Variants in DPY19L4 observed in about 807,000 individuals in gnomAD.
The protein encoded by DPY19L4 is dpy-19 like 4.
In DPY19L4, 97 loss-of-function variants were observed where a neutral mutation model predicts 102.8. The ratio of observed to expected loss-of-function variants is 0.94; its 90% confidence interval spans 0.80 to 1.12. The LOEUF is 1.12. DPY19L4 is among the 50% of genes most tolerant of loss of function. DPY19L4 has a pLI of 0.00. For synonymous variants in DPY19L4, 252 were observed against 283.1 expected, an observed-to-expected ratio of 0.89 and a Z score of 1.10; for missense variants, 815 against 850.4, an observed-to-expected ratio of 0.96 and a Z score of 0.52.
chr8:94,764,744 T>G (rs1464869005), intron 8 of DPY19L4, among the ~76,000 whole-genome samples: 1 of 99,582 alleles, frequency 1.0e-5, no homozygotes, highest in Non-Finnish European at 1.9e-5. Flanking sequence ...TTTTTTTTTG[T>G]CCTGAGACAG....
intron 6 of DPY19L4, among the ~76,000 whole-genome samples, chr8:94,741,617 T>G (rs1811447503): frequency 6.6e-6 from 1 of 152,234 alleles, no homozygotes; most frequent in South Asian, 2.1e-4. Flanking sequence ...CTTTCTGTAC[T>G]TATGGATTTT....
intron 7 of DPY19L4, among the ~76,000 whole-genome samples, chr8:94,758,669 G>A (rs940200881): frequency 1.3e-5 from 2 of 152,000 alleles, no homozygotes; most frequent in African/African-American, 2.4e-5. Flanking sequence ...TAATGCCCTT[G>A]ACATCCATGT....
At chr8:94,727,353 C>T (rs1810735637) in intron 2 of DPY19L4, among the ~76,000 whole-genome samples, 1 of 152,180 alleles carries the variant, frequency 6.6e-6, no homozygotes, top group Non-Finnish European at 1.5e-5. Context: ...CCTGCCTCAG[C>T]CTCCTCAGTA....
chr8:94,737,467 C>T (rs902495799), intron 3 of DPY19L4, among the ~76,000 whole-genome samples: 4 of 151,844 alleles, frequency 2.6e-5, no homozygotes, highest in African/African-American at 4.8e-5. Flanking sequence ...TGAGCCAACA[C>T]GCTGGGCCAG....
At chr8:94,754,208 A>G (rs1019239194) in intron 6 of DPY19L4, among the ~76,000 whole-genome samples, 1 of 152,196 alleles carries the variant, frequency 6.6e-6, no homozygotes, top group African/African-American at 2.4e-5. Context: ...GTCTGAGACT[A>G]GGAAAAGAGA....
At chr8:94,774,083 G>A (rs937676701) in intron 13 of DPY19L4, among the ~76,000 whole-genome samples, 4 of 145,008 alleles carry the variant, frequency 2.8e-5, no homozygotes, top group African/African-American at 7.6e-5. Flanking sequence ...TCGTTCTGTC[G>A]CCCAGACTGG....
intron 2 of DPY19L4, among the ~76,000 whole-genome samples, chr8:94,733,277 A>T (rs2130803048): frequency 6.6e-6 from 1 of 151,736 alleles, no homozygotes; most frequent in East Asian, 2.0e-4. Flanking sequence ...GGCACCTGCC[A>T]CCATGCCCGG....
At chr8:94,723,771 T>G (rs1268069061) in intron 1 of DPY19L4, among the ~76,000 whole-genome samples, 4 of 151,992 alleles carry the variant, frequency 2.6e-5, no homozygotes, top group Non-Finnish European at 2.9e-5. Flanking sequence ...GACAGTGTGG[T>G]TTTTTTTCCC....
rs1464320533 is a variant in DPY19L4 at position 94,747,247 on chromosome 8, C to T, written c.611+7457C>T. Among the ~76,000 whole-genome samples the T allele has an allele frequency of 2.6e-5, 4 of 152,044 alleles. No homozygotes were observed. In the East Asian group the frequency reaches 7.7e-4, roughly 29 times the overall value. On this transcript the variant is annotated intron_variant, in intron 6 of 18. Coordinates refer to ENST00000414645, the MANE Select transcript of DPY19L4 (RefSeq NM_181787.3). ...CTGCTTTTTTTAGTAAAGGTGGGGTCTCGCCATGCTGCCCAGGCTGGTCTC... is the reference window on the plus strand; with the variant it reads ...CTGCTTTTTTTAGTAAAGGTGGGGTTTCGCCATGCTGCCCAGGCTGGTCTC...
intron 8 of DPY19L4, among the ~76,000 whole-genome samples, chr8:94,764,575 C>CA (rs554856939): frequency 0.15 from 7,956 of 52,778 alleles, 831 homozygotes; most frequent in African/African-American, 0.31. Context: ...GACTCCGTCT[C>CA]AAAAAAAAAA....
intron 2 of DPY19L4, among the ~76,000 whole-genome samples, chr8:94,734,115 A>C (rs528782244): frequency 6.9e-6 from 1 of 144,770 alleles, no homozygotes; most frequent in Non-Finnish European, 1.5e-5. Context: ...GCTGGAGTGC[A>C]GTGGCATGAT....
chr8:94,728,859 A>G (rs1174380445), intron 2 of DPY19L4, among the ~76,000 whole-genome samples: 1 of 152,160 alleles, frequency 6.6e-6, no homozygotes, highest in East Asian at 1.9e-4. Context: ...GAGAATCCCA[A>G]AATTCTGGGA....
Position 94,790,625 on chromosome 8 carries a change from T to C in DPY19L4, c.*715T>C, listed in dbSNP as rs183315668. 50 of 152,188 alleles carry C rather than the reference T, an allele frequency of 3.3e-4. No homozygotes were observed. Among genetic ancestry groups the C allele is most frequent in the African/African-American group, 1.2e-3 (48 of 41,568 alleles). 9.4% of individuals were successfully genotyped at this position (152,188 alleles called of 1,614,324 possible). ...TTATGCCTATTAATTTGATACCAAT[T>C]TAATCATGATAAAACAATAACCGTT... On this transcript the variant is annotated 3_prime_UTR_variant, in exon 19 of 19. Transcript: ENST00000414645.
At chr8:94,749,547 C>G (rs1318701319) in intron 6 of DPY19L4, among the ~76,000 whole-genome samples, 2 of 152,046 alleles carry the variant, frequency 1.3e-5, no homozygotes, top group East Asian at 3.9e-4. Context: ...AAACTTAACT[C>G]GATTGGCGAA....
At position 94,739,716 on chromosome 8, in the gene DPY19L4, AT is replaced by A. The variant is rs1198847878; in HGVS notation, c.540del (p.Phe180LeufsTer7). The part of the protein sequence containing the change: ...GLQGIYVTAL[F>X]VTSWLMSGTW... The stretch of plus-strand genomic sequence containing the variant: ...TGCAAGGAATATATGTTACTGCTTT[AT>A]TTGTTACAAGTTGGCTTATGAGTGG... On this transcript the variant is annotated frameshift_variant, in exon 6 of 19. Transcript: ENST00000414645. LOFTEE classifies it high-confidence loss of function. The A allele has an allele frequency of 1.2e-6, 2 of 1,613,716 alleles. No individual in the cohort carries two copies. The highest frequency in any genetic ancestry group is 1.7e-6 in the Non-Finnish European group (2 of 1,180,008).
Position 94,768,805 on chromosome 8 carries a change from A to G in DPY19L4, c.1334+252A>G, listed in dbSNP as rs775794046. ...TTGGGAGTTTGAGACCAGCCGGTCC[A>G]ATATGGTGAAACCCCATCTCTACTA... On this transcript the variant is annotated intron_variant, in intron 12 of 18. Transcript: ENST00000414645. Among the ~76,000 whole-genome samples the G allele has an allele frequency of 3.9e-5, 6 of 152,026 alleles. No homozygotes were observed. The South Asian group carries it at 1.0e-3, about 26-fold the overall frequency.
At chr8:94,754,181 G>C (rs1812063684) in intron 6 of DPY19L4, among the ~76,000 whole-genome samples, 1 of 152,072 alleles carries the variant, frequency 6.6e-6, no homozygotes, top group South Asian at 2.1e-4. Context: ...TAGGAAAAAA[G>C]TTATTAGTGC....
intron 13 of DPY19L4, among the ~76,000 whole-genome samples, chr8:94,775,541 A>T (rs1271754877): frequency 6.6e-6 from 1 of 152,188 alleles, no homozygotes; most frequent in Non-Finnish European, 1.5e-5. Context: ...TGCCCAGGCT[A>T]GTCGTGAACA....
At chr8:94,736,177 G>C (rs535628857) in intron 3 of DPY19L4, among the ~76,000 whole-genome samples, 2 of 152,210 alleles carry the variant, frequency 1.3e-5, no homozygotes, top group Admixed American at 6.5e-5. Context: ...CTTTTATAAG[G>C]ACATTAATCC....
Sources: gnomAD v4.1 joint callset for allele counts (sites outside exome capture counted in the v4.1 genomes callset) on GRCh38, gnomAD v4.1.1 for gene constraint, MANE v1.5 for transcripts, NCBI Gene and HGNC (gene_info 2026-07-23, HGNC 2026-07-21) for gene names.